The following NOL10 variants were observed in gnomAD, a reference collection of about 807,000 sequenced individuals.
NOL10 encodes the protein H_NH0074G24.1.
NOL10 carries 58 observed loss-of-function variants against 103.5 expected under a neutral mutation model. The observed-to-expected ratio is 0.56, with a 90% CI of 0.45 to 0.70. The LOEUF (loss-of-function observed/expected upper bound fraction) is 0.70, where lower values mean the gene tolerates loss of function less well. Among genes scored for constraint, NOL10 ranks in the 30% least tolerant of loss-of-function variants. The pLI, the probability that NOL10 is intolerant of heterozygous loss-of-function variation, is 0.00. For synonymous variants in NOL10, 287 were observed against 282.5 expected (o/e 1.02, Z -0.16); for missense variants, 763 against 807.3 (o/e 0.95, Z 0.67).
intron 1 of NOL10, among the ~76,000 whole-genome samples, chr2:10,686,851 G>A (rs568785727): frequency 5.1e-4 from 77 of 152,186 alleles, no homozygotes; most frequent in African/African-American, 1.8e-3. Flanking sequence ...AGGGGGAAAT[G>A]TGGGGGGAAA....
intron 12 of NOL10, among the ~76,000 whole-genome samples, chr2:10,648,151 C>T (rs1679214719): frequency 6.6e-6 from 1 of 152,158 alleles, no homozygotes; most frequent in South Asian, 2.1e-4. Context: ...CTGAACAAGG[C>T]AGGAAGGCAG....
intron 12 of NOL10, among the ~76,000 whole-genome samples, chr2:10,649,311 ATTTTTTTTTTTTTTTT>A (rs56031158): frequency 1.0e-5 from 1 of 99,046 alleles, no homozygotes; most frequent in Non-Finnish European, 1.9e-5. Context: ...GTATGTTTGA[ATTTTTTTTTTTTTTTT>A]TTTTTTTTTT....
At chr2:10,586,816 T>C (rs959348847) in intron 19 of NOL10, among the ~76,000 whole-genome samples, 1 of 151,924 alleles carries the variant, frequency 6.6e-6, no homozygotes, top group South Asian at 2.1e-4. Flanking sequence ...TCTTATTGTA[T>C]GAGTACAGTA....
In NOL10 at chr2:10,653,757, C is replaced by T. The variant is rs114293922; in HGVS notation, c.973+724G>A. On this transcript the variant is annotated intron_variant, in intron 12 of 20. Coordinates refer to ENST00000381685, the MANE Select transcript of NOL10 (RefSeq NM_024894.4). ...CAACTCCACCTAACCAAATCTCACTCGGCACTCCAGCTCAACGCAAAGCAA... is the reference window on the plus strand; with the variant it reads ...CAACTCCACCTAACCAAATCTCACTTGGCACTCCAGCTCAACGCAAAGCAA... Among the ~76,000 whole-genome samples, 291 of 152,130 alleles carry T rather than the reference C, an allele frequency of 1.9e-3. 1 individual carries two copies. The highest frequency in any genetic ancestry group is 6.7e-3 in the African/African-American group (278 of 41,486).
At chr2:10,682,399 CT>C (rs761615937) in intron 2 of NOL10, among the ~76,000 whole-genome samples, 4,898 of 138,424 alleles carry the variant, frequency 0.035, 121 homozygotes, top group African/African-American at 0.082. Flanking sequence ...CATTAAACCA[CT>C]TTTTTTTTTT....
chr2:10,655,662 T>A (rs990047146), intron 11 of NOL10, among the ~76,000 whole-genome samples: 15 of 152,302 alleles, frequency 9.8e-5, no homozygotes, highest in African/African-American at 3.1e-4. Context: ...CAAGAGGAAG[T>A]CTTTAGTCAT....
At chr2:10,651,579 C>T (rs565415147) in intron 12 of NOL10, among the ~76,000 whole-genome samples, 99 of 152,204 alleles carry the variant, frequency 6.5e-4, no homozygotes, top group African/African-American at 2.2e-3. Context: ...ACTCACAGTA[C>T]ATGTCAATGC....
chr2:10,593,043 T>C (rs1214697060), intron 17 of NOL10, among the ~76,000 whole-genome samples: 3 of 152,238 alleles, frequency 2.0e-5, no homozygotes, highest in Non-Finnish European at 2.9e-5. Flanking sequence ...AAGAATGGTA[T>C]CTGTCTACCT....
At chr2:10,611,779 G>A (rs1456663671) in intron 13 of NOL10, among the ~76,000 whole-genome samples, 2 of 152,150 alleles carry the variant, frequency 1.3e-5, no homozygotes, top group African/African-American at 2.4e-5. Context: ...AGCCAGGCGT[G>A]GTGGCGCATG....
In NOL10 at chr2:10,577,661, T is replaced by C. The variant is rs1357685643; in HGVS notation, c.1922A>G (p.Lys641Arg). The change falls in exon 20 of 21, where the codon AAA (lysine) becomes AGA (arginine). Residue 641 changes from lysine (K) to arginine (R), a missense_variant. Transcript: ENST00000381685. The stretch of plus-strand genomic sequence containing the variant: ...CCTCTTTAACGTGAATGTCAATTGT[T>C]TGCTGCCAACGGTGGTGTCGGATAC... ...LSVSDTTVGS[K>R]QLTFTLKRSE... 6.2e-7 allele frequency: 1 copy of C among 1,612,072 alleles called. No homozygotes were observed. Among genetic ancestry groups the C allele is most frequent in the Admixed American group, 1.7e-5 (1 of 59,780 alleles).
chr2:10,611,191 C>T (rs1327072585), intron 13 of NOL10, among the ~76,000 whole-genome samples: 1 of 151,920 alleles, frequency 6.6e-6, no homozygotes, highest in Admixed American at 6.5e-5. Context: ...CCCTTAGCAA[C>T]TTTAATGATA....
chr2:10,606,678 T>G (rs1676280492), intron 14 of NOL10, among the ~76,000 whole-genome samples: 1 of 151,946 alleles, frequency 6.6e-6, no homozygotes, highest in Non-Finnish European at 1.5e-5. Flanking sequence ...GCTGTTCTTT[T>G]AAGACACTTC....
chr2:10,677,195 T>G (rs892220556), intron 3 of NOL10, among the ~76,000 whole-genome samples: 1 of 152,146 alleles, frequency 6.6e-6, no homozygotes, highest in Admixed American at 6.5e-5. Flanking sequence ...TGTCTCCGCC[T>G]GCCTAAGTGC....
chr2:10,572,628 T>C (rs1246847956), intron 20 of NOL10, among the ~76,000 whole-genome samples: 1 of 152,246 alleles, frequency 6.6e-6, no homozygotes, highest in African/African-American at 2.4e-5. Flanking sequence ...CATTAGTTTA[T>C]TCCCACTGTT....
At chr2:10,595,035 C>CA (rs1675595919) in intron 17 of NOL10, among the ~76,000 whole-genome samples, 1 of 146,638 alleles carries the variant, frequency 6.8e-6, no homozygotes, top group Non-Finnish European at 1.5e-5. Flanking sequence ...CCAACTTAAT[C>CA]AAAATCACAA....
intron 13 of NOL10, among the ~76,000 whole-genome samples, chr2:10,615,237 T>C (rs1676771466): frequency 6.6e-6 from 1 of 152,262 alleles, no homozygotes; most frequent in African/African-American, 2.4e-5. Context: ...AATTTCAACA[T>C]TTTAAAAGAT....
intron 13 of NOL10, among the ~76,000 whole-genome samples, chr2:10,638,306 ACGTG>A (rs80280105): frequency 0.31 from 39,430 of 125,258 alleles, 5,860 homozygotes; most frequent in Non-Finnish European, 0.36. Flanking sequence ...ACGTAACGTG[ACGTG>A]ACGTGACGTG....
chr2:10,618,382 C>T (rs1218579060), intron 13 of NOL10, among the ~76,000 whole-genome samples: 3 of 152,158 alleles, frequency 2.0e-5, no homozygotes, highest in Non-Finnish European at 4.4e-5. Flanking sequence ...CCCTGATTTG[C>T]AGGGGTTCCC....
At chr2:10,593,987 C>CT (rs1171473383) in intron 17 of NOL10, among the ~76,000 whole-genome samples, 4 of 152,234 alleles carry the variant, frequency 2.6e-5, no homozygotes, top group Non-Finnish European at 5.9e-5. Flanking sequence ...CTGAGGGACC[C>CT]TGTCCCCACC....
Sources: gnomAD v4.1 joint callset for allele counts (sites outside exome capture counted in the v4.1 genomes callset) on GRCh38, gnomAD v4.1.1 for gene constraint, MANE v1.5 for transcripts, NCBI Gene and HGNC (gene_info 2026-07-23, HGNC 2026-07-21) for gene names.